The following GABRA4 variants were observed in gnomAD, a reference collection of about 807,000 sequenced individuals.
GABRA4 encodes gamma-aminobutyric acid type A receptor subunit alpha4, also known as gamma-aminobutyric acid receptor subunit alpha-4.
GABRA4 carries 12 observed loss-of-function variants against 49.7 expected under a neutral mutation model. The observed-to-expected ratio is 0.24, with a 90% CI of 0.15 to 0.39. The LOEUF (loss-of-function observed/expected upper bound fraction) is 0.39. GABRA4 is among the 10% of genes least tolerant of loss of function. The probability of loss-of-function intolerance (pLI) is 1.00; values close to 1 mark genes in which losing one functional copy is unlikely to be tolerated. For missense variants in GABRA4, 506 were observed against 686.0 expected (o/e 0.74, Z 2.93); for synonymous variants, 288 against 240.2 (o/e 1.20, Z -1.84).
intron 8 of GABRA4, among the ~76,000 whole-genome samples, chr4:46,943,267 A>G: frequency 6.6e-6 from 1 of 152,144 alleles, no homozygotes; most frequent in South Asian, 2.1e-4. Context: ...CTAGCTTTCA[A>G]GCCACAAAAC....
chr4:46,962,323 C>T (rs1004009226), intron 8 of GABRA4, among the ~76,000 whole-genome samples: 6 of 151,572 alleles, frequency 4.0e-5, no homozygotes, highest in Admixed American at 2.0e-4. Flanking sequence ...AGTTAACAAT[C>T]TGAAAAAGGA....
intron 8 of GABRA4, among the ~76,000 whole-genome samples, chr4:46,944,969 G>A (rs1285602911): frequency 3.9e-5 from 6 of 152,034 alleles, no homozygotes; most frequent in Non-Finnish European, 5.9e-5. Flanking sequence ...AAATGAATTC[G>A]ATGAAAAATA....
At chr4:46,979,190 A>G (rs1192871796) in intron 2 of GABRA4, 92 bp from the exon 3 acceptor site, 1 of 742,442 alleles carries the variant, frequency 1.3e-6, no homozygotes, top group South Asian at 1.7e-5. Context: ...TACAGATATG[A>G]TATATCATGT....
intron 8 of GABRA4, among the ~76,000 whole-genome samples, chr4:46,931,207 C>T (rs1217866042): frequency 6.6e-6 from 1 of 152,052 alleles, no homozygotes; most frequent in Non-Finnish European, 1.5e-5. Context: ...GACATTCACC[C>T]AAAGCCAGGA....
chr4:46,965,972 C>G (rs1463020828), intron 7 of GABRA4, among the ~76,000 whole-genome samples: 1 of 148,126 alleles, frequency 6.8e-6, no homozygotes, highest in African/African-American at 2.4e-5. Flanking sequence ...GCAAAAGGAA[C>G]AGAAGTACTT....
intron 8 of GABRA4, among the ~76,000 whole-genome samples, chr4:46,957,925 A>G (rs1722424002): frequency 6.6e-6 from 1 of 152,036 alleles, no homozygotes. Flanking sequence ...GTACATAGAA[A>G]GCATTCAGAA....
chr4:46,933,214 A>G (rs534720628), intron 8 of GABRA4, among the ~76,000 whole-genome samples: 23 of 152,292 alleles, frequency 1.5e-4, no homozygotes, highest in South Asian at 2.1e-4. Flanking sequence ...ATCATTGTAG[A>G]TTAATGCACA....
At chr4:46,963,447 C>T (rs1272639285) in intron 8 of GABRA4, among the ~76,000 whole-genome samples, 1 of 151,734 alleles carries the variant, frequency 6.6e-6, no homozygotes, top group East Asian at 1.9e-4. Context: ...ATAAGTCTCA[C>T]CAGATCTGAT....
intron 8 of GABRA4, among the ~76,000 whole-genome samples, chr4:46,946,337 G>A (rs1721982513): frequency 6.6e-6 from 1 of 152,088 alleles, no homozygotes; most frequent in Non-Finnish European, 1.5e-5. Context: ...ACTATCAAAT[G>A]AAATTATATA....
At chr4:46,942,466 T>C (rs1465443745) in intron 8 of GABRA4, among the ~76,000 whole-genome samples, 2 of 151,658 alleles carry the variant, frequency 1.3e-5, no homozygotes, top group Non-Finnish European at 2.9e-5. Context: ...CTAAAAAATA[T>C]ATACAAAAAT....
At chr4:46,933,776 A>G (rs1721519370) in intron 8 of GABRA4, among the ~76,000 whole-genome samples, 1 of 152,224 alleles carries the variant, frequency 6.6e-6, no homozygotes, top group Non-Finnish European at 1.5e-5. Context: ...GCTGATGCAC[A>G]GTGGTTTCGA....
chr4:46,991,758 G>A (rs1024047212), intron 2 of GABRA4, among the ~76,000 whole-genome samples: 2 of 120,898 alleles, frequency 1.7e-5, no homozygotes, highest in African/African-American at 6.0e-5. Context: ...GATGGTAATG[G>A]CTTTCAAAGC....
At chr4:46,981,890 A>T (rs1315199740) in intron 2 of GABRA4, among the ~76,000 whole-genome samples, 1 of 152,126 alleles carries the variant, frequency 6.6e-6, no homozygotes, top group Non-Finnish European at 1.5e-5. Context: ...GATTCCAGGC[A>T]GAAAGAACTC....
At chr4:46,960,964 G>A (rs916668066) in intron 8 of GABRA4, among the ~76,000 whole-genome samples, 1 of 151,636 alleles carries the variant, frequency 6.6e-6, no homozygotes, top group African/African-American at 2.4e-5. Context: ...TTCTATCATG[G>A]CTTCAATACA....
At chr4:46,976,124 TG>T (rs1469935668) in intron 5 of GABRA4, among the ~76,000 whole-genome samples, 1 of 151,874 alleles carries the variant, frequency 6.6e-6, no homozygotes, top group Non-Finnish European at 1.5e-5. Context: ...AATCACATTT[TG>T]CTGCCATCTC....
In GABRA4 at chr4:46,924,313, C is replaced by T. The variant is rs1000559525; in HGVS notation, c.*3912G>A. On this transcript the variant is annotated 3_prime_UTR_variant, in exon 9 of 9. Transcript: ENST00000264318. ...AAATATTCACTTAAATATTAGGTAT[C>T]TTGATTATTGAAGTTTTGATGTCCC... 10 of 152,036 alleles carry T rather than the reference C, an allele frequency of 6.6e-5. No homozygotes were observed. Among genetic ancestry groups the T allele is most frequent in the African/African-American group, 2.4e-4 (10 of 41,414 alleles). The allele number at this position is 152,036 out of a possible 1,614,324, so 9.4% of individuals were successfully genotyped here.
At chr4:46,968,320 C>T (rs1722837185) in intron 7 of GABRA4, among the ~76,000 whole-genome samples, 1 of 151,204 alleles carries the variant, frequency 6.6e-6, no homozygotes, top group African/African-American at 2.4e-5. Context: ...TTTGTCTGCT[C>T]AACTGAAAAC....
At chr4:46,935,042 G>T (rs927094650) in intron 8 of GABRA4, among the ~76,000 whole-genome samples, 1 of 152,180 alleles carries the variant, frequency 6.6e-6, no homozygotes, top group Admixed American at 6.6e-5. Context: ...TAGAAAAGCA[G>T]TATTGTGGTC....
chr4:46,967,372 T>C (rs1722800691), intron 7 of GABRA4, among the ~76,000 whole-genome samples: 1 of 151,408 alleles, frequency 6.6e-6, no homozygotes, highest in Non-Finnish European at 1.5e-5. Flanking sequence ...TTTTTTGTAA[T>C]AGGACTATTT....
Sources: allele counts gnomAD v4.1 joint callset (sites outside exome capture counted in the v4.1 genomes callset), GRCh38; gene constraint gnomAD v4.1.1; transcripts MANE v1.5; gene names NCBI Gene and HGNC (gene_info 2026-07-23, HGNC 2026-07-21).